CNTN6: variants seen among roughly 807,000 people sequenced by gnomAD.
CNTN6 encodes the protein contactin-6.
In CNTN6, 137 loss-of-function variants were observed where a neutral mutation model predicts 122.8. The observed-to-expected ratio is 1.12, with a 90% CI of 0.97 to 1.29. The LOEUF is 1.29. Among genes scored for constraint, CNTN6 ranks in the 50% most tolerant of loss-of-function variants. The pLI is 0.00. For missense variants in CNTN6, 1,634 were observed against 1,223.4 expected (o/e 1.34, Z -5.01); for synonymous variants, 570 against 426.0 (o/e 1.34, Z -4.16).
chr3:1,273,445 C>G (rs1440993787), intron 4 of CNTN6, among the ~76,000 whole-genome samples: 1 of 152,162 alleles, frequency 6.6e-6, no homozygotes, highest in African/African-American at 2.4e-5. Context: ...TCGCTGGATG[C>G]TTGTATGGCT....
chr3:1,168,841 G>C (rs1302729951), intron 2 of CNTN6, among the ~76,000 whole-genome samples: 1 of 152,052 alleles, frequency 6.6e-6, no homozygotes, highest in Admixed American at 6.6e-5. Flanking sequence ...AGAAGCATCT[G>C]GTCTAACAAC....
chr3:1,242,313 G>A (rs1243376977), intron 4 of CNTN6, among the ~76,000 whole-genome samples: 8 of 152,152 alleles, frequency 5.3e-5, no homozygotes, highest in African/African-American at 1.9e-4. Context: ...AGAATAGTGA[G>A]TTGTGGAGGA....
At chr3:1,198,229 T>A (rs1258604558) in intron 2 of CNTN6, among the ~76,000 whole-genome samples, 1 of 152,152 alleles carries the variant, frequency 6.6e-6, no homozygotes, top group Non-Finnish European at 1.5e-5. Flanking sequence ...CCAAAAAAAA[T>A]ATTCTTCATT....
At chr3:1,204,176 G>A (rs2093925294) in intron 2 of CNTN6, among the ~76,000 whole-genome samples, 1 of 152,136 alleles carries the variant, frequency 6.6e-6, no homozygotes, top group South Asian at 2.1e-4. Flanking sequence ...GAGAGCCAAT[G>A]ACATTTCAGA....
intron 1 of CNTN6, among the ~76,000 whole-genome samples, chr3:1,133,615 G>A (rs191669149): frequency 2.0e-5 from 3 of 152,096 alleles, no homozygotes; most frequent in Admixed American, 6.5e-5. Context: ...CTCTTGAGGC[G>A]CTCATGGAGC....
At chr3:1,308,795 GTGTTT>G (rs1299882289) in intron 7 of CNTN6, among the ~76,000 whole-genome samples, 5 of 151,892 alleles carry the variant, frequency 3.3e-5, no homozygotes, top group Admixed American at 6.6e-5. Context: ...GATATTGTGT[GTGTTT>G]TTGTTTTGTT....
intron 5 of CNTN6, among the ~76,000 whole-genome samples, chr3:1,285,546 A>G (rs1575556464): frequency 6.6e-6 from 1 of 152,232 alleles, no homozygotes; most frequent in East Asian, 1.9e-4. Flanking sequence ...ATGAATACTT[A>G]CTATGTACTA....
chr3:1,318,118 AAGAG>A (rs911544708), intron 7 of CNTN6, among the ~76,000 whole-genome samples: 2 of 151,394 alleles, frequency 1.3e-5, no homozygotes, highest in African/African-American at 4.8e-5. Context: ...AGAAAGAAAG[AAGAG>A]AGAGAAAGAA....
intron 4 of CNTN6, among the ~76,000 whole-genome samples, chr3:1,254,994 A>G (rs529028034): frequency 2.6e-5 from 4 of 152,170 alleles, no homozygotes; most frequent in East Asian, 1.9e-4. Flanking sequence ...GGGCTAATTC[A>G]TTACGTATTG....
rs114727435 is a variant in CNTN6, at chr3:1,371,851, T to G, written c.1493-448T>G. ...GCATTCACCCTCTTAAATATAAACG[T>G]ATGTCTAAATCTCTATAGAAACTAT... On this transcript the variant is annotated intron_variant, in intron 12 of 22. Transcript: ENST00000446702. Among the ~76,000 whole-genome samples, 662 of 152,254 alleles carry G rather than the reference T, an allele frequency of 4.3e-3. 8 individuals carry two copies. The highest frequency in any genetic ancestry group is 0.015 in the African/African-American group (628 of 41,558).
intron 2 of CNTN6, among the ~76,000 whole-genome samples, chr3:1,209,864 T>C (rs1182816310): frequency 2.0e-5 from 3 of 152,222 alleles, no homozygotes; most frequent in Non-Finnish European, 2.9e-5. Flanking sequence ...CAATCTTTAA[T>C]GTTTCCTTTT....
At position 1,403,770 on chromosome 3, in the gene CNTN6, C is replaced by T. The variant is rs527424549; in HGVS notation, c.*352C>T. Reference sequence around the variant, plus strand: ...TCCTAGTTACCATAACTCACATGTACATTTTTATGTATTCCAGACAATCAC... The same window carrying T: ...TCCTAGTTACCATAACTCACATGTATATTTTTATGTATTCCAGACAATCAC... On this transcript the variant is annotated 3_prime_UTR_variant, in exon 23 of 23. Transcript: ENST00000446702. 1 of 158,586 alleles carries T rather than the reference C, an allele frequency of 6.3e-6. No individual in the cohort carries two copies. The allele number at this position is 158,586 out of a possible 1,614,324, so 9.8% of individuals were successfully genotyped here.
chr3:1,298,034 T>A, intron 7 of CNTN6, 43 bp downstream of exon 7: 2 of 1,362,410 alleles, frequency 1.5e-6, no homozygotes, highest in East Asian at 2.3e-5. Flanking sequence ...GTTGCATTAA[T>A]TTTTTTTTAT....
chr3:1,111,627 C>G (rs1234177460), intron 1 of CNTN6, among the ~76,000 whole-genome samples: 1 of 152,140 alleles, frequency 6.6e-6, no homozygotes, highest in Non-Finnish European at 1.5e-5. Flanking sequence ...ATTAAATATT[C>G]TGGTGAAACA....
chr3:1,248,640 T>G (rs917818395), intron 4 of CNTN6, among the ~76,000 whole-genome samples: 1 of 151,966 alleles, frequency 6.6e-6, no homozygotes, highest in Non-Finnish European at 1.5e-5. Flanking sequence ...GCCAACATGG[T>G]GAAACTCTGT....
intron 12 of CNTN6, among the ~76,000 whole-genome samples, chr3:1,369,247 C>T (rs1256966804): frequency 6.6e-6 from 1 of 152,162 alleles, no homozygotes; most frequent in Non-Finnish European, 1.5e-5. Flanking sequence ...ACATTTCAAA[C>T]AAGTCACTTC....
At chr3:1,307,601 T>C (rs1698566884) in intron 7 of CNTN6, among the ~76,000 whole-genome samples, 1 of 152,178 alleles carries the variant, frequency 6.6e-6, no homozygotes, top group Non-Finnish European at 1.5e-5. Context: ...ATTTGGTATT[T>C]ATGCCCTTCT....
At chr3:1,168,421 A>T (rs2093299773) in intron 2 of CNTN6, among the ~76,000 whole-genome samples, 1 of 149,244 alleles carries the variant, frequency 6.7e-6, no homozygotes, top group Non-Finnish European at 1.5e-5. Flanking sequence ...TGTAGAACAC[A>T]CCTCAGTGTC....
intron 2 of CNTN6, among the ~76,000 whole-genome samples, chr3:1,216,051 T>G (rs2125500393): frequency 6.6e-6 from 1 of 152,330 alleles, no homozygotes; most frequent in South Asian, 2.1e-4. Context: ...TGTAGCACTT[T>G]TCTAATGGGC....
Sources: gnomAD v4.1 joint callset for allele counts (sites outside exome capture counted in the v4.1 genomes callset) on GRCh38, gnomAD v4.1.1 for gene constraint, MANE v1.5 for transcripts, NCBI Gene and HGNC (gene_info 2026-07-23, HGNC 2026-07-21) for gene names.